The following BABAM2 variants were observed in gnomAD, a reference collection of about 807,000 sequenced individuals.
BABAM2 encodes BRISC and BRCA1-A complex member 2.
In BABAM2, 31 loss-of-function variants were observed where a neutral mutation model predicts 54.7. That is an observed-to-expected ratio of 0.57 (90% CI 0.43 to 0.77). BABAM2 has a LOEUF of 0.77. Ranked by LOEUF, BABAM2 falls within the 30% of genes least tolerant of loss-of-function variation. The pLI is 0.00. For synonymous variants in BABAM2, 167 were observed against 162.9 expected, an observed-to-expected ratio of 1.03 and a Z score of -0.19; for missense variants, 364 against 455.8, an observed-to-expected ratio of 0.80 and a Z score of 1.83.
intron 10 of BABAM2, among the ~76,000 whole-genome samples, chr2:28,285,679 C>G (rs1310938126): frequency 1.3e-5 from 2 of 152,050 alleles, no homozygotes; most frequent in Admixed American, 6.6e-5. Context: ...CATAGTAAGT[C>G]CATTATCAAG....
intron 3 of BABAM2, among the ~76,000 whole-genome samples, chr2:27,963,612 A>T (rs1218019263): frequency 6.6e-6 from 1 of 152,142 alleles, no homozygotes; most frequent in Non-Finnish European, 1.5e-5. Context: ...AGTTATACCA[A>T]ACTAGTCTTA....
rs76204186 is a variant in BABAM2, at chr2:28,021,908, G to T, written c.301-3318G>T. ...ACTACATTGTTTCTCAGTGTTTTCCGTTTATAGGTATCCTCGCGCATGTCT... is the reference window on the plus strand; with the variant it reads ...ACTACATTGTTTCTCAGTGTTTTCCTTTTATAGGTATCCTCGCGCATGTCT... On this transcript the variant is annotated intron_variant, in intron 4 of 11. Coordinates refer to ENST00000379624, the MANE Select transcript of BABAM2 (RefSeq NM_199191.3). 5.9e-5 allele frequency among the ~76,000 whole-genome samples: 9 copies of T among 152,010 alleles called. No individual in the cohort carries two copies. In the East Asian group the frequency reaches 1.5e-3, roughly 26 times the overall value.
chr2:28,315,500 A>G (rs1040907822), intron 11 of BABAM2, among the ~76,000 whole-genome samples: 1 of 133,596 alleles, frequency 7.5e-6, no homozygotes, highest in Non-Finnish European at 1.6e-5. Context: ...ACAGAGTCTC[A>G]CTCTGTTGCC....
At chr2:28,182,200 G>T (rs901501548) in intron 7 of BABAM2, among the ~76,000 whole-genome samples, 1 of 152,168 alleles carries the variant, frequency 6.6e-6, no homozygotes, top group Non-Finnish European at 1.5e-5. Context: ...CAGGCTTAAG[G>T]AGATTGTCCC....
chr2:27,924,132 C>T (rs1256054236), intron 2 of BABAM2, among the ~76,000 whole-genome samples: 10 of 152,026 alleles, frequency 6.6e-5, no homozygotes, highest in South Asian at 6.2e-4. Context: ...ATACTATTTC[C>T]ATGTATTTTT....
At chr2:27,986,577 T>C (rs1170700808) in intron 3 of BABAM2, among the ~76,000 whole-genome samples, 2 of 152,110 alleles carry the variant, frequency 1.3e-5, no homozygotes, top group Non-Finnish European at 2.9e-5. Flanking sequence ...ACTGAAGTTT[T>C]AGCATGGAAT....
intron 2 of BABAM2, among the ~76,000 whole-genome samples, chr2:27,900,474 A>T (rs989508289): frequency 5.9e-5 from 9 of 152,020 alleles, no homozygotes; most frequent in Non-Finnish European, 1.0e-4. Flanking sequence ...CCATTGCTAG[A>T]CCCATCAGTA....
chr2:28,057,658 G>A (rs576234946), intron 6 of BABAM2, among the ~76,000 whole-genome samples: 10 of 152,154 alleles, frequency 6.6e-5, no homozygotes, highest in Non-Finnish European at 1.2e-4. Flanking sequence ...CTCAAATAAA[G>A]GTAAAAGCTG....
chr2:27,972,607 A>G (rs1176099690), intron 3 of BABAM2, among the ~76,000 whole-genome samples: 1 of 152,210 alleles, frequency 6.6e-6, no homozygotes, highest in Non-Finnish European at 1.5e-5. Flanking sequence ...TGTGCTGTTA[A>G]GTGTGAAATA....
chr2:27,918,701 A>G (rs1249070337), intron 2 of BABAM2, among the ~76,000 whole-genome samples: 2 of 152,074 alleles, frequency 1.3e-5, no homozygotes, highest in Non-Finnish European at 2.9e-5. Flanking sequence ...ACTTTTCATT[A>G]TGAGTCTTTT....
At chr2:28,012,944 C>T (rs577496588) in intron 4 of BABAM2, among the ~76,000 whole-genome samples, 5 of 152,230 alleles carry the variant, frequency 3.3e-5, no homozygotes, top group South Asian at 2.1e-4. Flanking sequence ...TATCCATCCC[C>T]GATTCTTAAG....
intron 1 of BABAM2, chr2:27,892,284 A>G (rs537332148): frequency 3.9e-5 from 6 of 152,326 alleles, no homozygotes; most frequent in African/African-American, 1.4e-4. Context: ...AGAGTTGGGG[A>G]AATGTAAATG....
At chr2:27,941,744 T>C (rs1668905387) in intron 3 of BABAM2, among the ~76,000 whole-genome samples, 1 of 152,186 alleles carries the variant, frequency 6.6e-6, no homozygotes, top group Non-Finnish European at 1.5e-5. Context: ...TATTATCTTC[T>C]ATGTCCTCAG....
At chr2:27,982,548 CT>C (rs1021720800) in intron 3 of BABAM2, among the ~76,000 whole-genome samples, 2 of 151,932 alleles carry the variant, frequency 1.3e-5, no homozygotes, top group Non-Finnish European at 2.9e-5. Flanking sequence ...CAACTTCATT[CT>C]TTTGCCTGTG....
At chr2:28,068,294 G>A (rs552029412) in intron 6 of BABAM2, among the ~76,000 whole-genome samples, 86 of 152,154 alleles carry the variant, frequency 5.7e-4, no homozygotes, top group African/African-American at 2.0e-3. Context: ...CATATGTAGC[G>A]AGGGCACAAA....
At chr2:28,052,305 A>G (rs972076157) in intron 6 of BABAM2, among the ~76,000 whole-genome samples, 29 of 150,154 alleles carry the variant, frequency 1.9e-4, no homozygotes, top group African/African-American at 6.6e-4. Context: ...TTTTTTTCCA[A>G]TAGACAGAGT....
chr2:28,334,783 G>A (rs1054883761), intron 11 of BABAM2, among the ~76,000 whole-genome samples: 1 of 152,228 alleles, frequency 6.6e-6, no homozygotes, highest in Non-Finnish European at 1.5e-5. Context: ...TGTCCCATGC[G>A]AGTGTGGCAT....
chr2:28,191,172 T>G (rs568691154), intron 7 of BABAM2, among the ~76,000 whole-genome samples: 1 of 152,162 alleles, frequency 6.6e-6, no homozygotes, highest in South Asian at 2.1e-4. Flanking sequence ...TACGTAGTCA[T>G]TGGGGAAATG....
chr2:27,966,676 T>A (rs559899692), intron 3 of BABAM2, among the ~76,000 whole-genome samples: 1 of 152,228 alleles, frequency 6.6e-6, no homozygotes, highest in Admixed American at 6.5e-5. Flanking sequence ...TGTGAGAAAT[T>A]GCTGTACTCT....
Sources: gnomAD v4.1 joint callset for allele counts (sites outside exome capture counted in the v4.1 genomes callset) on GRCh38, gnomAD v4.1.1 for gene constraint, MANE v1.5 for transcripts, NCBI Gene and HGNC (gene_info 2026-07-23, HGNC 2026-07-21) for gene names.